The following KIF1B variants were observed in gnomAD, a reference collection of about 807,000 sequenced individuals.
The protein encoded by KIF1B is kinesin family member 1B, also known as kinesin-like protein KIF1B.
Under a neutral mutation model 241.9 loss-of-function variants are expected in KIF1B, and 76 were observed. The ratio of observed to expected loss-of-function variants is 0.31; its 90% CI spans 0.26 to 0.38. The LOEUF (loss-of-function observed/expected upper bound fraction) is 0.38. Ranked by LOEUF, KIF1B falls within the 10% of genes least tolerant of loss-of-function variation. The pLI, the probability that KIF1B is intolerant of heterozygous loss-of-function variation, is 1.00. For synonymous variants in KIF1B, 750 were observed against 796.7 expected, an observed-to-expected ratio of 0.94 and a Z score of 0.99; for missense variants, 1,622 against 2,271.4, an observed-to-expected ratio of 0.71 and a Z score of 5.81.
chr1:10,332,055 C>T (rs940151812), intron 27 of KIF1B, among the ~76,000 whole-genome samples: 3 of 149,606 alleles, frequency 2.0e-5, no homozygotes, highest in African/African-American at 7.3e-5. Flanking sequence ...TCTCCCTTAA[C>T]ATTTATCTTT....
At chr1:10,212,793 G>A (rs1646709140) in intron 1 of KIF1B, among the ~76,000 whole-genome samples, 1 of 151,102 alleles carries the variant, frequency 6.6e-6, no homozygotes, top group Non-Finnish European at 1.5e-5. Flanking sequence ...GGGAGACTGA[G>A]GTGGGAGGAT....
chr1:10,321,937 A>C (rs1651540944), intron 24 of KIF1B, 80 bp downstream of exon 24: 1 of 1,525,790 alleles, frequency 6.6e-7, no homozygotes, highest in Non-Finnish European at 9.0e-7. Context: ...ACCTTGAATT[A>C]ACCTTTCCTT....
chr1:10,273,094 A>AT (rs1432930810), intron 10 of KIF1B, 63 bp downstream of exon 10: 2 of 1,229,498 alleles, frequency 1.6e-6, no homozygotes, highest in East Asian at 5.1e-5. Flanking sequence ...CCTCACTAGG[A>AT]TGTATGGAGG....
At chr1:10,357,070 G>A (rs1357202921) in intron 38 of KIF1B, among the ~76,000 whole-genome samples, 1 of 152,106 alleles carries the variant, frequency 6.6e-6, no homozygotes, top group East Asian at 1.9e-4. Context: ...TGTAGAGACA[G>A]GGTCTCGCTA....
chr1:10,365,063 T>A lies in KIF1B; in HGVS notation c.4367-37T>A, dbSNP rs757650555. On this transcript the variant is annotated intron_variant, in intron 41 of 48. Coordinates refer to ENST00000676179, the MANE Select transcript of KIF1B (RefSeq NM_001365951.3). This position sits in a 1 kb window ranked among gnomAD's most constrained non-coding sequence, Gnocchi z 4.0. ...TTGACCTAAACTTGGAATTGAATTT[T>A]TTTTCTGAAACAAAAACTTGTTTCC... 8 of 1,606,668 alleles carry A rather than the reference T, an allele frequency of 5.0e-6. No individual in the cohort carries two copies. In the South Asian group the frequency reaches 8.9e-5, roughly 18 times the overall value.
At position 10,374,404 on chromosome 1, in the gene KIF1B, G is replaced by GC; in HGVS notation, c.5038dup (p.Arg1680ProfsTer15). On this transcript the variant is annotated frameshift_variant, in exon 46 of 49. Transcript: ENST00000676179. LOFTEE classifies it high-confidence loss of function. This position sits in a 1 kb window ranked among gnomAD's most constrained non-coding sequence, Gnocchi z 4.3. ...CCCAGCTGTGGAAACACCATATTTG[G>GC]CCCGAGCAGGAAAAAACGAATTTCT... The GC allele has an allele frequency of 6.2e-7, 1 of 1,614,142 alleles. No homozygotes were observed. The highest frequency in any genetic ancestry group is 8.5e-7 in the Non-Finnish European group (1 of 1,180,024).
intron 2 of KIF1B, among the ~76,000 whole-genome samples, chr1:10,244,703 C>T (rs1363604247): frequency 6.6e-6 from 1 of 151,558 alleles, no homozygotes; most frequent in Non-Finnish European, 1.5e-5. Context: ...AGCTCCGCCT[C>T]CCGGGTTCAC....
At chr1:10,372,041 C>A (rs991195106) in intron 45 of KIF1B, among the ~76,000 whole-genome samples, 1 of 152,192 alleles carries the variant, frequency 6.6e-6, no homozygotes, top group Non-Finnish European at 1.5e-5. Flanking sequence ...ATTATGCTCA[C>A]CTGGTTATCA....
At chr1:10,212,890 G>GTATATATATATATA (rs201066671) in intron 1 of KIF1B, among the ~76,000 whole-genome samples, 4 of 109,486 alleles carry the variant, frequency 3.7e-5, no homozygotes, top group Non-Finnish European at 7.2e-5. Flanking sequence ...ATGCGTGTGT[G>GTATATATATATATA]TATATATATA....
intron 2 of KIF1B, among the ~76,000 whole-genome samples, chr1:10,234,550 C>G (rs1258091623): frequency 6.6e-6 from 1 of 150,886 alleles, no homozygotes. Flanking sequence ...GAGACAGGGT[C>G]TCTCTCTGTC....
chr1:10,307,929 A>G, intron 22 of KIF1B: 1 of 1,051,818 alleles, frequency 9.5e-7, no homozygotes, highest in South Asian at 4.6e-5. Flanking sequence ...CCAGTGAATT[A>G]TTTCTCTTTT....
Position 10,365,291 on chromosome 1 carries a change from A to G in KIF1B, c.4512+46A>G, listed in dbSNP as rs1222650516. ...TCAGATGCAAGAACTCTCGGACAAG[A>G]TTGCCAAAGTATCAGTCTTCCTCCC... On this transcript the variant is annotated intron_variant, in intron 42 of 48. Transcript: ENST00000676179. The surrounding 1 kb of genome is among the most constrained non-coding windows in gnomAD (Gnocchi z 4.0). The G allele has an allele frequency of 6.8e-6, 11 of 1,613,446 alleles. No homozygotes were observed. The highest frequency in any genetic ancestry group is 9.3e-6 in the Non-Finnish European group (11 of 1,179,652).
intron 2 of KIF1B, among the ~76,000 whole-genome samples, chr1:10,245,059 A>T (rs920187683): frequency 3.3e-5 from 5 of 152,250 alleles, no homozygotes; most frequent in Admixed American, 2.0e-4. Flanking sequence ...AACATCAATT[A>T]TAGTTGCAGG....
intron 2 of KIF1B, among the ~76,000 whole-genome samples, chr1:10,236,211 G>T (rs1053035877): frequency 3.9e-5 from 6 of 152,042 alleles, no homozygotes; most frequent in Admixed American, 3.3e-4. Flanking sequence ...AGCGGAGGTT[G>T]CAGTGAGCTG....
intron 22 of KIF1B, among the ~76,000 whole-genome samples, chr1:10,310,183 A>G (rs867085463): frequency 1.8e-4 from 28 of 151,714 alleles, no homozygotes; most frequent in African/African-American, 6.6e-4. Flanking sequence ...AACCTGGAAG[A>G]GTGGTTCTCA....
chr1:10,274,098 G>A (rs969058230), intron 10 of KIF1B, among the ~76,000 whole-genome samples: 34 of 151,584 alleles, frequency 2.2e-4, no homozygotes, highest in African/African-American at 4.9e-4. Context: ...CACCACCCCC[G>A]GCTAATTTTT....
intron 44 of KIF1B, among the ~76,000 whole-genome samples, chr1:10,370,584 T>G (rs1429821964): frequency 4.2e-4 from 57 of 134,974 alleles, no homozygotes; most frequent in African/African-American, 7.6e-4. Context: ...ATAATAATAA[T>G]AATAATAATA....
rs1443840061 is a variant in KIF1B, at chr1:10,381,095, G to GT, written c.*4510dup. 4.5e-6 allele frequency: 1 copy of GT among 222,410 alleles called. No homozygotes were observed. The allele number at this position is 222,410 out of a possible 1,614,324, so 13.8% of individuals were successfully genotyped here. A position where few individuals can be genotyped will look rare whatever the true frequency, so the allele number is the denominator to read the frequency against. On this transcript the variant is annotated 3_prime_UTR_variant, in exon 49 of 49. Coordinates refer to ENST00000676179, the MANE Select transcript of KIF1B (RefSeq NM_001365951.3). Reference sequence around the variant, plus strand: ...GTTGGTCTCTTGCCAAACCGTGGCTGTTGTGTGTTGTTCTTCATGTCTTCG... The same window carrying GT: ...GTTGGTCTCTTGCCAAACCGTGGCTGTTTGTGTGTTGTTCTTCATGTCTTCG...
intron 15 of KIF1B, among the ~76,000 whole-genome samples, chr1:10,285,814 AGGAACTG>A (rs1227804989): frequency 2.0e-5 from 3 of 152,226 alleles, no homozygotes; most frequent in Non-Finnish European, 4.4e-5. Context: ...GAGAATATCT[AGGAACTG>A]GGTTCCTAAG....
Sources: gnomAD v4.1 joint callset for allele counts (sites outside exome capture counted in the v4.1 genomes callset) on GRCh38, gnomAD v4.1.1 for gene constraint, Gnocchi (gnomAD v3.1) non-coding constraint, MANE v1.5 for transcripts, NCBI Gene and HGNC (gene_info 2026-07-23, HGNC 2026-07-21) for gene names.